Variants in CCDC102B observed in about 807,000 individuals in gnomAD.
The protein encoded by CCDC102B is coiled-coil domain-containing protein 102B.
In CCDC102B, 75 loss-of-function variants were observed where a neutral mutation model predicts 57.4. The ratio of observed to expected loss-of-function variants is 1.31; its 90% CI spans 1.08 to 1.58. The LOEUF is 1.58. Ranked by LOEUF, CCDC102B falls within the 40% of genes most tolerant of loss-of-function variation. CCDC102B has a pLI of 0.00. For synonymous variants in CCDC102B, 206 were observed against 201.9 expected, an observed-to-expected ratio of 1.02 and a Z score of -0.17; for missense variants, 636 against 582.6, an observed-to-expected ratio of 1.09 and a Z score of -0.94.
rs117303428 is a variant in CCDC102B, at chr18:68,802,228, C to T, written c.-16+4047C>T. ...CTATCTTTGTTTGGAAATCACTTTACAGGTATTGTCAATGGTAGGAATGAG... is the reference window on the plus strand; with the variant it reads ...CTATCTTTGTTTGGAAATCACTTTATAGGTATTGTCAATGGTAGGAATGAG... On this transcript the variant is annotated intron_variant, in intron 1 of 7. Transcript: ENST00000360242. Among the ~76,000 whole-genome samples, 367 of 152,216 alleles carry T rather than the reference C, an allele frequency of 2.4e-3. 4 individuals are homozygous for T. The East Asian group carries it at 0.044, about 18-fold the overall frequency.
intron 2 of CCDC102B, among the ~76,000 whole-genome samples, chr18:68,765,318 AAGGAAG>A (rs759096528): frequency 0.083 from 4,915 of 59,156 alleles, 92 homozygotes; most frequent in East Asian, 0.17. Context: ...GGAAGGAAGG[AAGGAAG>A]GAAAGAAAGA....
At chr18:68,828,177 A>G (rs531609503) in intron 1 of CCDC102B, among the ~76,000 whole-genome samples, 1 of 151,946 alleles carries the variant, frequency 6.6e-6, no homozygotes, top group Admixed American at 6.6e-5. Flanking sequence ...ACTACACAGA[A>G]TATCAGCAGA....
At chr18:68,829,023 T>C (rs1344411824) in intron 1 of CCDC102B, among the ~76,000 whole-genome samples, 2 of 151,924 alleles carry the variant, frequency 1.3e-5, no homozygotes, top group East Asian at 3.9e-4. Flanking sequence ...TCTTTCTCTT[T>C]TCTGAAAGAA....
chr18:68,982,246 AC>A (rs963559864), intron 6 of CCDC102B, among the ~76,000 whole-genome samples: 31 of 151,934 alleles, frequency 2.0e-4, no homozygotes, highest in South Asian at 1.0e-3. Context: ...TGTAAAAAAA[AC>A]AATGAAGTAT....
intron 6 of CCDC102B, among the ~76,000 whole-genome samples, chr18:68,939,303 G>A (rs1442603810): frequency 1.3e-5 from 2 of 151,520 alleles, no homozygotes; most frequent in Non-Finnish European, 3.0e-5. Flanking sequence ...TCATTAGACT[G>A]TTTTTAAATG....
At chr18:68,765,430 AAAG>A (rs1368301769) in intron 2 of CCDC102B, among the ~76,000 whole-genome samples, 1 of 151,536 alleles carries the variant, frequency 6.6e-6, no homozygotes, top group Non-Finnish European at 1.5e-5. Flanking sequence ...AAGAGAAAGG[AAAG>A]AAGGAAGGAA....
Position 68,849,311 on chromosome 18 carries a change from A to T in CCDC102B, c.936+2890A>T, listed in dbSNP as rs139231752. Among the ~76,000 whole-genome samples the T allele has an allele frequency of 6.0e-3, 910 of 152,220 alleles. 4 individuals are homozygous for T. Among genetic ancestry groups the T allele is most frequent in the Middle Eastern group, 0.02 (6 of 294 alleles). On this transcript the variant is annotated intron_variant, in intron 4 of 7. Transcript: ENST00000360242. The stretch of plus-strand genomic sequence containing the variant: ...GTTATTAGAAATAGGTGTATGGTGG[A>T]ATATTAGCGCAGTTCTGAGCTTACT...
chr18:69,000,643 A>G (rs1346587836), intron 6 of CCDC102B, among the ~76,000 whole-genome samples: 1 of 152,140 alleles, frequency 6.6e-6, no homozygotes, highest in African/African-American at 2.4e-5. Context: ...TGTGATTGTT[A>G]TAACAGAGTA....
chr18:68,921,826 G>T, intron 6 of CCDC102B, among the ~76,000 whole-genome samples: 1 of 152,156 alleles, frequency 6.6e-6, no homozygotes, highest in Non-Finnish European at 1.5e-5. Flanking sequence ...TTGTAGCCAC[G>T]TGAGAGCTAT....
intron 6 of CCDC102B, among the ~76,000 whole-genome samples, chr18:68,903,318 A>G (rs376457859): frequency 2.0e-5 from 3 of 152,154 alleles, no homozygotes; most frequent in Non-Finnish European, 4.4e-5. Flanking sequence ...TTGAAATTTC[A>G]GGAGGGCAGA....
chr18:69,045,862 G>A lies in CCDC102B; in HGVS notation c.1435-8168G>A, dbSNP rs542981691. Among the ~76,000 whole-genome samples, 4 of 152,104 alleles carry A rather than the reference G, an allele frequency of 2.6e-5. No individual in the cohort carries two copies. The East Asian group carries it at 7.8e-4, about 29-fold the overall frequency. ...TATGTGTGAGAACATGTGGTATTTG[G>A]TTTTCTGTTTCTGTGTTCGTTTGCT... On this transcript the variant is annotated intron_variant, in intron 7 of 7. Transcript: ENST00000360242.
chr18:68,719,961 A>G (rs752391844), intron 2 of CCDC102B, among the ~76,000 whole-genome samples: 1 of 152,236 alleles, frequency 6.6e-6, no homozygotes, highest in African/African-American at 2.4e-5. Flanking sequence ...TCACTGAAAA[A>G]GATAATAATC....
At chr18:68,767,274 G>A (rs1477472614) in intron 2 of CCDC102B, among the ~76,000 whole-genome samples, 1 of 152,146 alleles carries the variant, frequency 6.6e-6, no homozygotes, top group African/African-American at 2.4e-5. Context: ...AAGGCCTTTG[G>A]GAGGTAATTA....
At chr18:69,053,841 T>C (rs1162774022) in intron 7 of CCDC102B, among the ~76,000 whole-genome samples, 189 bp from the exon 8 acceptor site, 1 of 151,982 alleles carries the variant, frequency 6.6e-6, no homozygotes, top group Admixed American at 6.6e-5. Flanking sequence ...ATGTGTACAT[T>C]GTAGACTAGC....
At chr18:68,867,444 G>C (rs1309526724) in intron 4 of CCDC102B, among the ~76,000 whole-genome samples, 2 of 152,164 alleles carry the variant, frequency 1.3e-5, no homozygotes, top group Non-Finnish European at 2.9e-5. Context: ...CTGAGACAGT[G>C]GAAACTGCCA....
chr18:69,041,767 T>G (rs2052441340), intron 7 of CCDC102B, among the ~76,000 whole-genome samples: 1 of 152,086 alleles, frequency 6.6e-6, no homozygotes, highest in African/African-American at 2.4e-5. Context: ...TCTCAATTGC[T>G]CTGATTTTGG....
At chr18:68,790,349 G>T (rs1023134710) in intron 2 of CCDC102B, among the ~76,000 whole-genome samples, 10 of 151,702 alleles carry the variant, frequency 6.6e-5, no homozygotes, top group Admixed American at 2.0e-4. Flanking sequence ...GAGCTGTGGT[G>T]GGCTCCACCC....
intron 6 of CCDC102B, among the ~76,000 whole-genome samples, chr18:68,916,323 G>T (rs985642608): frequency 6.6e-6 from 1 of 152,140 alleles, no homozygotes; most frequent in East Asian, 1.9e-4. Flanking sequence ...CCTCTGGGAA[G>T]TACCAGAAGA....
At chr18:68,961,653 A>G (rs1022206975) in intron 6 of CCDC102B, among the ~76,000 whole-genome samples, 2 of 152,082 alleles carry the variant, frequency 1.3e-5, no homozygotes, top group Non-Finnish European at 2.9e-5. Flanking sequence ...TGTTATTTGA[A>G]ATGAATAACA....
Sources: gnomAD v4.1 joint callset for allele counts (sites outside exome capture counted in the v4.1 genomes callset) on GRCh38, gnomAD v4.1.1 for gene constraint, MANE v1.5 for transcripts, NCBI Gene and HGNC (gene_info 2026-07-23, HGNC 2026-07-21) for gene names.